The following LRBA variants were observed in gnomAD, a reference collection of about 807,000 sequenced individuals.
LRBA encodes the protein lipopolysaccharide-responsive and beige-like anchor protein.
LRBA carries 176 observed loss-of-function variants against 330.0 expected under a neutral mutation model. That is an observed-to-expected ratio of 0.53 (90% CI 0.47 to 0.60). The LOEUF (loss-of-function observed/expected upper bound fraction) is 0.60. LRBA is among the 20% of genes least tolerant of loss of function. The pLI is 0.00. For synonymous variants in LRBA, 1,230 were observed against 1,193.0 expected, an observed-to-expected ratio of 1.03 and a Z score of -0.64; for missense variants, 3,259 against 3,444.8, an observed-to-expected ratio of 0.95 and a Z score of 1.35.
At chr4:150,968,002 C>CT (rs35023986) in intron 2 of LRBA, among the ~76,000 whole-genome samples, 10,305 of 126,042 alleles carry the variant, frequency 0.082, 602 homozygotes, top group East Asian at 0.18. Flanking sequence ...ATTTGCACAT[C>CT]TTTTTTTTTT....
intron 4 of LRBA, among the ~76,000 whole-genome samples, chr4:150,924,575 C>T (rs1319023761): frequency 6.6e-6 from 1 of 152,172 alleles, no homozygotes; most frequent in South Asian, 2.1e-4. Context: ...TCCGTAAAGA[C>T]GTTCATGTCC....
At chr4:150,428,334 G>T (rs1300566213) in intron 46 of LRBA, among the ~76,000 whole-genome samples, 1 of 151,902 alleles carries the variant, frequency 6.6e-6, no homozygotes, top group Non-Finnish European at 1.5e-5. Context: ...GACCAGTGAT[G>T]GTATGTCCAT....
chr4:150,327,062 G>C (rs1217181410), intron 48 of LRBA, among the ~76,000 whole-genome samples: 1 of 152,128 alleles, frequency 6.6e-6, no homozygotes, highest in Non-Finnish European at 1.5e-5. Flanking sequence ...CACAAAGAAG[G>C]AGGTAGCAAC....
At chr4:150,924,772 T>C (rs984964790) in intron 4 of LRBA, among the ~76,000 whole-genome samples, 1 of 152,208 alleles carries the variant, frequency 6.6e-6, no homozygotes, top group East Asian at 1.9e-4. Flanking sequence ...TCTCATTTTA[T>C]AAATAGTTCA....
At chr4:150,959,664 G>A (rs1254242051) in intron 2 of LRBA, among the ~76,000 whole-genome samples, 11 of 148,378 alleles carry the variant, frequency 7.4e-5, no homozygotes, top group Non-Finnish European at 1.5e-4. Flanking sequence ...GATAAGAAGA[G>A]AAATGGCTGT....
At chr4:150,471,562 A>T (rs1417188331) in intron 43 of LRBA, 62 bp downstream of exon 43, 3 of 955,846 alleles carry the variant, frequency 3.1e-6, no homozygotes, top group Non-Finnish European at 4.8e-6. Flanking sequence ...ACTTAAAATA[A>T]TCTAACAATT....
At chr4:150,639,759 A>T (rs201027071) in intron 37 of LRBA, among the ~76,000 whole-genome samples, 1 of 11,792 alleles carries the variant, frequency 8.5e-5, no homozygotes, top group African/African-American at 3.3e-4. Flanking sequence ...ATATATATAT[A>T]TATATATATA....
intron 47 of LRBA, among the ~76,000 whole-genome samples, chr4:150,399,501 CAAAG>C (rs1745185738): frequency 6.6e-6 from 1 of 152,040 alleles, no homozygotes. Context: ...GTTGCGAAAA[CAAAG>C]AATAAGAGAG....
intron 40 of LRBA, among the ~76,000 whole-genome samples, chr4:150,575,369 G>A (rs534000258): frequency 2.5e-4 from 38 of 152,000 alleles, no homozygotes; most frequent in African/African-American, 8.9e-4. Flanking sequence ...AGGCAGGCTA[G>A]ATTTTTAACA....
At chr4:150,447,664 A>G (rs7698239) in intron 44 of LRBA, among the ~76,000 whole-genome samples, 72,616 of 152,028 alleles carry the variant, frequency 0.48, 17,455 homozygotes, top group East Asian at 0.55. Flanking sequence ...GATAACTCCT[A>G]TTGGTTCTGT....
chr4:150,902,175 T>A (rs1349593890), intron 13 of LRBA, among the ~76,000 whole-genome samples: 3 of 152,086 alleles, frequency 2.0e-5, no homozygotes, highest in African/African-American at 7.2e-5. Flanking sequence ...TAGGATAAAC[T>A]GAAATAGTAA....
chr4:150,893,977 C>T (rs1184007049), intron 16 of LRBA, among the ~76,000 whole-genome samples: 1 of 152,178 alleles, frequency 6.6e-6, no homozygotes, highest in Non-Finnish European at 1.5e-5. Flanking sequence ...CCGCGCCCGG[C>T]CTCGAAACAA....
intron 44 of LRBA, among the ~76,000 whole-genome samples, chr4:150,440,015 G>C (rs950650218): frequency 6.6e-6 from 1 of 152,132 alleles, no homozygotes; most frequent in African/African-American, 2.4e-5. Context: ...AGAACTAAAA[G>C]TAAATGCTGA....
At chr4:150,508,240 A>AAG (rs35363427) in intron 40 of LRBA, among the ~76,000 whole-genome samples, 13 of 64,984 alleles carry the variant, frequency 2.0e-4, no homozygotes, top group African/African-American at 2.2e-4. Flanking sequence ...TTAAAAAAAA[A>AAG]GGGGGGGGGG....
chr4:150,314,012 G>A lies in LRBA; in HGVS notation c.7693+1549C>T, dbSNP rs113597505. On this transcript the variant is annotated intron_variant, in intron 51 of 56. Coordinates refer to ENST00000651943, the MANE Select transcript of LRBA (RefSeq NM_001364905.1). ...GGTCTTTAAAAAGTTTCAGAGTTTG[G>A]AGTATTTGGGGCTTGGGATTTGCAG... 6.2e-3 allele frequency among the ~76,000 whole-genome samples: 940 copies of A among 151,960 alleles called. 12 individuals carry two copies. Among genetic ancestry groups the A allele is most frequent in the African/African-American group, 0.02 (819 of 41,460 alleles).
At chr4:150,362,082 C>CT (rs1463452522) in intron 47 of LRBA, among the ~76,000 whole-genome samples, 3 of 152,176 alleles carry the variant, frequency 2.0e-5, no homozygotes, top group Non-Finnish European at 4.4e-5. Flanking sequence ...CATCACACTA[C>CT]TTTTTTTGGT....
chr4:150,472,747 G>A (rs1455796648), intron 42 of LRBA, among the ~76,000 whole-genome samples: 1 of 152,040 alleles, frequency 6.6e-6, no homozygotes, highest in Non-Finnish European at 1.5e-5. Flanking sequence ...ACATTAGTAT[G>A]TAGTCTTTTG....
intron 17 of LRBA, among the ~76,000 whole-genome samples, chr4:150,879,237 A>G (rs931251670): frequency 6.6e-6 from 1 of 152,204 alleles, no homozygotes; most frequent in African/African-American, 2.4e-5. Flanking sequence ...AATAAATATG[A>G]TTCAATACAA....
chr4:150,848,285 G>T (rs1438679516), intron 26 of LRBA, among the ~76,000 whole-genome samples: 1 of 152,120 alleles, frequency 6.6e-6, no homozygotes, highest in Non-Finnish European at 1.5e-5. Context: ...AAAGAGCTGG[G>T]ATTACAGGTG....
Sources: gnomAD v4.1 joint callset for allele counts (sites outside exome capture counted in the v4.1 genomes callset) on GRCh38, gnomAD v4.1.1 for gene constraint, MANE v1.5 for transcripts, NCBI Gene and HGNC (gene_info 2026-07-23, HGNC 2026-07-21) for gene names.